IFT25: variants seen among roughly 807,000 people sequenced by gnomAD.
The protein encoded by IFT25 is intraflagellar transport protein 25 homolog.
the IFT25 span, chr1:53,930,000 C>CA: frequency 0.075 from 99,004 of 1,326,238 alleles, 3 homozygotes; most frequent in Non-Finnish European, 0.08. Flanking sequence ...CCTGGAGCAC[C>CA]AAAAAAAAAA....
At chr1:53,937,301 T>C in the IFT25 span, among the ~76,000 whole-genome samples, 1 of 152,064 alleles carries the variant, frequency 6.6e-6, no homozygotes, top group African/African-American at 2.4e-5. Flanking sequence ...GTATTTTTAA[T>C]AGAGACAGAG....
the IFT25 span, among the ~76,000 whole-genome samples, chr1:53,936,383 G>A: frequency 6.6e-6 from 1 of 152,166 alleles, no homozygotes; most frequent in Non-Finnish European, 1.5e-5. Context: ...CCAGGAGGCA[G>A]AGGTTGCAGT....
At chr1:53,917,403 A>G in the IFT25 span, among the ~76,000 whole-genome samples, 1 of 152,326 alleles carries the variant, frequency 6.6e-6, no homozygotes, top group South Asian at 2.1e-4. Flanking sequence ...CTTTATATGC[A>G]TTTCAGTCAC....
the IFT25 span, among the ~76,000 whole-genome samples, chr1:53,935,278 A>G: frequency 1.3e-5 from 2 of 152,312 alleles, no homozygotes; most frequent in Admixed American, 1.3e-4. Context: ...GCGCCACTGC[A>G]CTCCGACACT....
At chr1:53,926,025 C>T in the IFT25 span, among the ~76,000 whole-genome samples, 2 of 147,594 alleles carry the variant, frequency 1.4e-5, no homozygotes, top group East Asian at 3.9e-4. Flanking sequence ...TCACTTGAAC[C>T]TGGGAAGCGG....
the IFT25 span, among the ~76,000 whole-genome samples, chr1:53,916,020 A>G: frequency 3.3e-5 from 5 of 152,046 alleles, no homozygotes; most frequent in Non-Finnish European, 7.4e-5. Context: ...CCACATTTCT[A>G]TAAAAATACA....
chr1:53,937,777 A>G, the IFT25 span, among the ~76,000 whole-genome samples: 1 of 152,178 alleles, frequency 6.6e-6, no homozygotes, highest in Non-Finnish European at 1.5e-5. Context: ...AAAGTCCTCT[A>G]TTTCTGGCAA....
chr1:53,942,173 G>A, the IFT25 span, among the ~76,000 whole-genome samples: 6 of 152,182 alleles, frequency 3.9e-5, no homozygotes, highest in African/African-American at 1.4e-4. Context: ...CTAGAAAGAC[G>A]ACTTGCAATG....
chr1:53,943,470 A>G, the IFT25 span, among the ~76,000 whole-genome samples: 2 of 139,268 alleles, frequency 1.4e-5, no homozygotes, highest in Non-Finnish European at 3.0e-5. Flanking sequence ...TTTAACTGTC[A>G]CAACTTGGGA....
the IFT25 span, among the ~76,000 whole-genome samples, chr1:53,927,456 T>G: frequency 6.6e-6 from 1 of 152,202 alleles, no homozygotes; most frequent in African/African-American, 2.4e-5. Context: ...TATCGTATTT[T>G]CAACTCCATG....
chr1:53,915,828 G>C, the IFT25 span, among the ~76,000 whole-genome samples: 1 of 152,166 alleles, frequency 6.6e-6, no homozygotes, highest in Non-Finnish European at 1.5e-5. Flanking sequence ...GAGTCCATGG[G>C]CAGGTGGAGA....
the IFT25 span, among the ~76,000 whole-genome samples, chr1:53,940,959 T>C: frequency 6.6e-6 from 1 of 152,052 alleles, no homozygotes; most frequent in Non-Finnish European, 1.5e-5. Context: ...AAAAAATTTT[T>C]TTTTTTCTGT....
the IFT25 span, chr1:53,923,806 A>T: frequency 1.3e-6 from 1 of 787,786 alleles, no homozygotes; most frequent in Non-Finnish European, 2.2e-6. Flanking sequence ...AACCTATAAT[A>T]TCATGAGGAA....
At chr1:53,936,741 C>T in the IFT25 span, among the ~76,000 whole-genome samples, 1 of 152,020 alleles carries the variant, frequency 6.6e-6, no homozygotes, top group African/African-American at 2.4e-5. Flanking sequence ...TACACTACAC[C>T]AAAAGGACTG....
At chr1:53,913,615 TC>T in the IFT25 span, among the ~76,000 whole-genome samples, 10 of 152,276 alleles carry the variant, frequency 6.6e-5, no homozygotes, top group African/African-American at 2.4e-4. Context: ...TCAGTTACAC[TC>T]CCTTTACTTT....
chr1:53,943,727 G>A, the IFT25 span, among the ~76,000 whole-genome samples: 1 of 151,926 alleles, frequency 6.6e-6, no homozygotes, highest in East Asian at 1.9e-4. Context: ...GGGCTCAAGC[G>A]ATCCTCCCAC....
chr1:53,937,999 C>T, the IFT25 span, among the ~76,000 whole-genome samples: 1 of 152,098 alleles, frequency 6.6e-6, no homozygotes, highest in Admixed American at 6.5e-5. Flanking sequence ...CACAAAGATC[C>T]CTGAAGTACA....
chr1:53,936,686 T>A, the IFT25 span, among the ~76,000 whole-genome samples: 1 of 152,168 alleles, frequency 6.6e-6, no homozygotes, highest in Non-Finnish European at 1.5e-5. Context: ...AGATAACACA[T>A]AATTCACTTA....
At chr1:53,943,759 G>A in the IFT25 span, among the ~76,000 whole-genome samples, 2 of 152,054 alleles carry the variant, frequency 1.3e-5, no homozygotes, top group African/African-American at 4.8e-5. Flanking sequence ...TAGTAGCTGG[G>A]ACTACAGGCA....
Sources: gnomAD v4.1 joint callset for allele counts (sites outside exome capture counted in the v4.1 genomes callset) on GRCh38, gnomAD v4.1.1 for gene constraint, MANE v1.5 for transcripts, NCBI Gene and HGNC (gene_info 2026-07-23, HGNC 2026-07-21) for gene names.